The following FHIT variants were observed in gnomAD, a reference collection of about 807,000 sequenced individuals.
FHIT encodes the protein bis(5'-adenosyl)-triphosphatase.
Under a neutral mutation model 17.9 loss-of-function variants are expected in FHIT, and 19 were observed. The observed-to-expected ratio is 1.06, with a 90% confidence interval of 0.74 to 1.56. The LOEUF is 1.56. FHIT is among the 40% of genes most tolerant of loss of function. FHIT has a pLI of 0.00. For missense variants in FHIT, 248 were observed against 189.2 expected, an observed-to-expected ratio of 1.31 and a Z score of -1.82; for synonymous variants, 81 against 69.7, an observed-to-expected ratio of 1.16 and a Z score of -0.81.
At chr3:60,602,755 G>A (rs1157252078) in intron 4 of FHIT, among the ~76,000 whole-genome samples, 1 of 152,116 alleles carries the variant, frequency 6.6e-6, no homozygotes, top group African/African-American at 2.4e-5. Context: ...TAACTTCCAA[G>A]GTGACAGTAT....
chr3:60,339,773 T>C (rs1199169276), intron 5 of FHIT, among the ~76,000 whole-genome samples: 2 of 152,186 alleles, frequency 1.3e-5, no homozygotes. Flanking sequence ...CAAGCTCTGG[T>C]GTTCCTGGGC....
At chr3:61,050,557 A>G (rs2033986294) in intron 2 of FHIT, among the ~76,000 whole-genome samples, 1 of 152,222 alleles carries the variant, frequency 6.6e-6, no homozygotes, top group African/African-American at 2.4e-5. Flanking sequence ...TAAGGCCCTT[A>G]TCAGTTAGAG....
intron 5 of FHIT, among the ~76,000 whole-genome samples, chr3:60,129,509 C>G (rs1325618033): frequency 6.6e-6 from 1 of 152,144 alleles, no homozygotes; most frequent in Non-Finnish European, 1.5e-5. Flanking sequence ...GAAAACTTTC[C>G]TAGACTACAT....
At chr3:60,749,525 G>A (rs550896141) in intron 4 of FHIT, among the ~76,000 whole-genome samples, 88 of 152,276 alleles carry the variant, frequency 5.8e-4, no homozygotes, top group East Asian at 1.4e-3. Context: ...GTTATTGTGC[G>A]TCTGAAAGAG....
chr3:60,156,094 C>T (rs1404642846), intron 5 of FHIT, among the ~76,000 whole-genome samples: 1 of 152,140 alleles, frequency 6.6e-6, no homozygotes, highest in Non-Finnish European at 1.5e-5. Flanking sequence ...GGGCTCATGC[C>T]TGTAATCCCA....
chr3:60,180,000 A>C (rs922175112), intron 5 of FHIT, among the ~76,000 whole-genome samples: 3 of 152,140 alleles, frequency 2.0e-5, no homozygotes, highest in Non-Finnish European at 2.9e-5. Flanking sequence ...CTCCACGGGG[A>C]CTATATGTAA....
chr3:60,529,692 T>A (rs921335045), intron 5 of FHIT, among the ~76,000 whole-genome samples: 1 of 152,232 alleles, frequency 6.6e-6, no homozygotes, highest in Admixed American at 6.5e-5. Context: ...GTTCAGTGAT[T>A]GTTAACCATG....
At chr3:60,410,000 C>T (rs1294575753) in intron 5 of FHIT, among the ~76,000 whole-genome samples, 2 of 152,052 alleles carry the variant, frequency 1.3e-5, no homozygotes, top group Admixed American at 1.3e-4. Flanking sequence ...AAACAACACC[C>T]TAACAGATTT....
chr3:61,101,533 G>C (rs1362757453), intron 2 of FHIT, among the ~76,000 whole-genome samples: 1 of 152,134 alleles, frequency 6.6e-6, no homozygotes, highest in Admixed American at 6.5e-5. Flanking sequence ...GATTGTCTTG[G>C]CAATGCAGGC....
chr3:60,796,434 G>A (rs982223518), intron 4 of FHIT, among the ~76,000 whole-genome samples: 1 of 152,024 alleles, frequency 6.6e-6, no homozygotes. Context: ...AGGTGTTAAA[G>A]GCTGTATACA....
At chr3:60,212,155 G>C (rs1304657706) in intron 5 of FHIT, among the ~76,000 whole-genome samples, 1 of 152,100 alleles carries the variant, frequency 6.6e-6, no homozygotes, top group African/African-American at 2.4e-5. Flanking sequence ...CCTCAAACTT[G>C]CATTGTATTT....
At chr3:60,629,697 T>C (rs1553681938) in intron 4 of FHIT, among the ~76,000 whole-genome samples, 2 of 152,208 alleles carry the variant, frequency 1.3e-5, no homozygotes, top group African/African-American at 4.8e-5. Context: ...GGCCAGATTC[T>C]AGAATAATGC....
At chr3:60,627,745 T>C (rs1236923151) in intron 4 of FHIT, among the ~76,000 whole-genome samples, 2 of 152,146 alleles carry the variant, frequency 1.3e-5, no homozygotes, top group Admixed American at 1.3e-4. Flanking sequence ...GCTAGTCACA[T>C]ACTCCTGACC....
chr3:60,120,783 C>T (rs1209323379), intron 5 of FHIT, among the ~76,000 whole-genome samples: 1 of 152,120 alleles, frequency 6.6e-6, no homozygotes, highest in Non-Finnish European at 1.5e-5. Flanking sequence ...GTCCTGGGGA[C>T]TATCAGTTAC....
chr3:60,582,020 T>TA (rs2037763096), intron 4 of FHIT, among the ~76,000 whole-genome samples: 1 of 151,946 alleles, frequency 6.6e-6, no homozygotes, highest in African/African-American at 2.4e-5. Flanking sequence ...TTACTTTGTT[T>TA]AAAAAAACAA....
chr3:60,391,807 C>G (rs1424579764), intron 5 of FHIT, among the ~76,000 whole-genome samples: 2 of 152,156 alleles, frequency 1.3e-5, no homozygotes, highest in Admixed American at 1.3e-4. Context: ...CGATGGATGA[C>G]TGTATTCATA....
rs538818501 is a variant in FHIT, at chr3:60,510,353, A to G, written c.103+26507T>C. On this transcript the variant is annotated intron_variant, in intron 5 of 9. Coordinates refer to ENST00000492590, the MANE Select transcript of FHIT (RefSeq NM_002012.4). The stretch of plus-strand genomic sequence containing the variant: ...AAAGGCCAATTATTGTTAAGTTTCT[A>G]TAAGAGTTTAAACGGCCATGATTCA... Among the ~76,000 whole-genome samples the G allele has an allele frequency of 2.1e-3, 316 of 152,328 alleles. 3 individuals are homozygous for G. Among genetic ancestry groups the G allele is most frequent in the African/African-American group, 7.1e-3 (294 of 41,574 alleles).
chr3:60,195,124 C>T (rs1702568993), intron 5 of FHIT, among the ~76,000 whole-genome samples: 1 of 152,054 alleles, frequency 6.6e-6, no homozygotes, highest in African/African-American at 2.4e-5. Context: ...CAAGATCGCG[C>T]CATTCCACTC....
At chr3:59,892,904 C>A (rs987300963) in intron 8 of FHIT, among the ~76,000 whole-genome samples, 2 of 152,046 alleles carry the variant, frequency 1.3e-5, no homozygotes. Context: ...CCTTGAAAAG[C>A]GTTTTCATAC....
Sources: gnomAD v4.1 joint callset for allele counts (sites outside exome capture counted in the v4.1 genomes callset) on GRCh38, gnomAD v4.1.1 for gene constraint, MANE v1.5 for transcripts, NCBI Gene and HGNC (gene_info 2026-07-23, HGNC 2026-07-21) for gene names.